Variants in MME observed in about 807,000 individuals in gnomAD.
The protein encoded by MME is membrane metalloendopeptidase, also known as neprilysin.
A neutral mutation model predicts 113.2 loss-of-function variants in MME; 98 were observed. The ratio of observed to expected loss-of-function variants is 0.87; its 90% CI spans 0.74 to 1.02. The LOEUF (loss-of-function observed/expected upper bound fraction) is 1.02, where lower values mean the gene tolerates loss of function less well. MME is among the 50% of genes least tolerant of loss of function. The pLI is 0.00. For missense variants in MME, 836 were observed against 896.0 expected (o/e 0.93, Z 0.86); for synonymous variants, 292 against 300.6 (o/e 0.97, Z 0.30).
At chr3:155,090,070 T>TA (rs1716153947) in intron 3 of MME, 3 of 240,188 alleles carry the variant, frequency 1.2e-5, no homozygotes, top group African/African-American at 2.2e-5. Flanking sequence ...ACGTGATCAA[T>TA]ACAGTTTACA....
At chr3:155,066,324 T>G (rs1559897926) in intron 1 of MME, among the ~76,000 whole-genome samples, 1 of 152,144 alleles carries the variant, frequency 6.6e-6, no homozygotes, top group Non-Finnish European at 1.5e-5. Context: ...CCTCTTTGTA[T>G]TTTTTTGAAG....
intron 16 of MME, among the ~76,000 whole-genome samples, chr3:155,160,097 A>G (rs1286858884): frequency 1.3e-5 from 2 of 152,162 alleles, no homozygotes; most frequent in East Asian, 3.9e-4. Context: ...ATCTTAACCC[A>G]TTGCAATTTC....
At chr3:155,135,916 T>C (rs2108299241) in intron 8 of MME, among the ~76,000 whole-genome samples, 1 of 152,268 alleles carries the variant, frequency 6.6e-6, no homozygotes, top group South Asian at 2.1e-4. Flanking sequence ...GCAAATGAGA[T>C]TGTGTTCTTG....
chr3:155,029,262 A>G (rs562941140), intron 1 of MME, among the ~76,000 whole-genome samples: 4 of 152,272 alleles, frequency 2.6e-5, no homozygotes, highest in African/African-American at 9.6e-5. Context: ...CCTTAAAAAC[A>G]AATCCATCCA....
At chr3:155,084,449 A>T (rs1657764235) in intron 2 of MME, 122 bp downstream of exon 2, 3 of 965,400 alleles carry the variant, frequency 3.1e-6, no homozygotes, top group Admixed American at 4.1e-5. Flanking sequence ...TGACAAAGAG[A>T]TTCATTTATA....
At chr3:155,155,514 A>T (rs976278039) in intron 16 of MME, among the ~76,000 whole-genome samples, 2 of 152,162 alleles carry the variant, frequency 1.3e-5, no homozygotes, top group African/African-American at 4.8e-5. Context: ...CCAATGCTAT[A>T]CCAAGGCCCA....
chr3:155,132,878 A>T (rs1397806516), intron 8 of MME, among the ~76,000 whole-genome samples: 2 of 151,024 alleles, frequency 1.3e-5, no homozygotes, highest in Admixed American at 6.6e-5. Flanking sequence ...ACGTAGTGAA[A>T]CCCCGTCTCT....
intron 8 of MME, among the ~76,000 whole-genome samples, chr3:155,128,437 A>G (rs1445465932): frequency 6.6e-6 from 1 of 152,188 alleles, no homozygotes; most frequent in African/African-American, 2.4e-5. Flanking sequence ...TTATTGCTTC[A>G]TGAACAAAAA....
intron 3 of MME, 105 bp downstream of exon 3, chr3:155,085,199 T>A (rs192756531): frequency 1.4e-6 from 1 of 720,498 alleles, no homozygotes; most frequent in East Asian, 2.8e-5. Flanking sequence ...TCATTGTAGA[T>A]CAATTATTTA....
In MME at chr3:155,171,955, CT is replaced by C. The variant is rs1286782903; in HGVS notation, c.1981-159del. Reference sequence around the variant, plus strand: ...GCATTTGTAAATAAATTTGATTTGTCTTTCTAATCCATAAAATAGTTGTAGG... The same window carrying C: ...GCATTTGTAAATAAATTTGATTTGTCTTCTAATCCATAAAATAGTTGTAGG... On this transcript the variant is annotated intron_variant, in intron 20 of 22. Transcript: ENST00000360490. 6.8e-6 allele frequency: 4 copies of C among 592,426 alleles called. No individual in the cohort carries two copies. In the African/African-American group the frequency reaches 7.5e-5, roughly 11 times the overall value. The allele number at this position is 592,426 out of a possible 1,614,324, so 36.7% of individuals were successfully genotyped here.
At chr3:155,034,084 G>A (rs1713056131) in intron 1 of MME, among the ~76,000 whole-genome samples, 1 of 152,134 alleles carries the variant, frequency 6.6e-6, no homozygotes, top group Non-Finnish European at 1.5e-5. Context: ...TACCTCCAAA[G>A]TCATTTCTAA....
At chr3:155,026,019 A>C (rs1336420972) in intron 1 of MME, among the ~76,000 whole-genome samples, 1 of 152,106 alleles carries the variant, frequency 6.6e-6, no homozygotes, top group African/African-American at 2.4e-5. Context: ...AATCCTAAAA[A>C]AAAGCCAAAC....
chr3:155,154,732 A>G (rs944425294), intron 16 of MME, among the ~76,000 whole-genome samples: 1 of 152,224 alleles, frequency 6.6e-6, no homozygotes, highest in Non-Finnish European at 1.5e-5. Context: ...CAACTTGAGT[A>G]TCAAAGGAAA....
At chr3:155,098,282 G>A (rs578233543) in intron 3 of MME, among the ~76,000 whole-genome samples, 4 of 152,222 alleles carry the variant, frequency 2.6e-5, no homozygotes, top group Non-Finnish European at 5.9e-5. Flanking sequence ...CTGGCTGGGC[G>A]CAGTGGCTCA....
intron 1 of MME, among the ~76,000 whole-genome samples, chr3:155,035,756 G>C (rs1213148931): frequency 6.6e-6 from 1 of 152,120 alleles, no homozygotes; most frequent in Admixed American, 6.6e-5. Flanking sequence ...GAGAAGTGGA[G>C]GGGAGAGGCT....
intron 1 of MME, among the ~76,000 whole-genome samples, chr3:155,046,574 C>T (rs554941656): frequency 4.5e-4 from 68 of 152,222 alleles, no homozygotes; most frequent in African/African-American, 1.6e-3. Flanking sequence ...CCTGTAATCC[C>T]AGTTACTTAG....
intron 8 of MME, among the ~76,000 whole-genome samples, chr3:155,137,057 G>C (rs1329941290): frequency 1.3e-5 from 2 of 152,186 alleles, no homozygotes; most frequent in Admixed American, 6.5e-5. Flanking sequence ...GAACTTGAAT[G>C]AGGCATTTAT....
chr3:155,114,072 G>T lies in MME; in HGVS notation c.197-922G>T, dbSNP rs1270212788. Reference sequence around the variant, plus strand: ...TTAATTAATTAATTCATAAAGTGAAGTATTTTCAAAAGCTCATCTGAGAGC... The same window carrying T: ...TTAATTAATTAATTCATAAAGTGAATTATTTTCAAAAGCTCATCTGAGAGC... On this transcript the variant is annotated intron_variant, in intron 3 of 22. Transcript: ENST00000360490. Among the ~76,000 whole-genome samples the T allele has an allele frequency of 3.3e-5, 5 of 152,164 alleles. No homozygotes were observed. The South Asian group carries it at 1.0e-3, about 31-fold the overall frequency.
chr3:155,068,224 T>C (rs1714449061), intron 1 of MME, among the ~76,000 whole-genome samples: 1 of 152,178 alleles, frequency 6.6e-6, no homozygotes, highest in African/African-American at 2.4e-5. Flanking sequence ...AAATGCAAAC[T>C]AGTATACAAA....
Sources: allele counts gnomAD v4.1 joint callset (sites outside exome capture counted in the v4.1 genomes callset), GRCh38; gene constraint gnomAD v4.1.1; transcripts MANE v1.5; gene names NCBI Gene and HGNC (gene_info 2026-07-23, HGNC 2026-07-21).